The following MEG3 variants were observed in gnomAD, a reference collection of about 807,000 sequenced individuals.
The protein encoded by MEG3 is maternally expressed 3, also known as Very putative protein from MEG3 locus.
chr14:100,850,860 TGGTAGGAA>T (rs537104030), intron 3 of MEG3: 1 of 151,100 alleles, frequency 6.6e-6, no homozygotes, highest in African/African-American at 2.4e-5. Context: ...GAAGAAAGGG[TGGTAGGAA>T]GGTAGGAAGA....
At chr14:100,860,663 C>A (rs1000516838) in intron 1 of MEG3, 1 of 456,644 alleles carries the variant, frequency 2.2e-6, no homozygotes, top group East Asian at 7.0e-5. Context: ...GAGCAGGTGG[C>A]CTTCATCTGC....
Position 100,845,547 on chromosome 14 carries a change from GTGTAAAGAACACACA to G in MEG3, n.3121+18_3121+32del. 2.2e-6 allele frequency: 1 copy of G among 456,340 alleles called. No individual in the cohort carries two copies. Among genetic ancestry groups the G allele is most frequent in the Non-Finnish European group, 4.4e-6 (1 of 226,722 alleles). The allele number at this position is 456,340 out of a possible 1,614,324, so 28.3% of individuals were successfully genotyped here. A position where few individuals can be genotyped will look rare whatever the true frequency, so the allele number is the denominator to read the frequency against. On this transcript the variant is annotated intron_variant and non_coding_transcript_variant, in intron 3 of 3. Coordinates refer to the MEG3 transcript ENST00000398461. The surrounding 1 kb of genome is among the most constrained non-coding windows in gnomAD (Gnocchi z 5.2). ...CAGCTCGAAATCGTAAGTGGCTGGAGTGTAAAGAACACACATGTGGCCTTGCTGCTGAGGGTGGGG... is the reference window on the plus strand; with the variant it reads ...CAGCTCGAAATCGTAAGTGGCTGGAGTGTGGCCTTGCTGCTGAGGGTGGGG...
At chr14:100,844,455 CA>C (rs2037852796) in intron 2 of MEG3, among the ~76,000 whole-genome samples, 1 of 149,522 alleles carries the variant, frequency 6.7e-6, no homozygotes, top group South Asian at 2.1e-4. Context: ...TCATTCAACA[CA>C]TTTTTTAAAT....
chr14:100,837,762 C>T lies in MEG3; in HGVS notation n.3045+1462C>T, dbSNP rs1256670445. On this transcript the variant is annotated intron_variant and non_coding_transcript_variant, in intron 2 of 3. Transcript: ENST00000398461. This position sits in a 1 kb window ranked among gnomAD's most constrained non-coding sequence, Gnocchi z 5.8. The stretch of plus-strand genomic sequence containing the variant: ...TGGAGACAGCTCTCCTGCAGCCCTG[C>T]ACTTCTCCCCTGAAATTGAAATGGG... 6.6e-6 allele frequency among the ~76,000 whole-genome samples: 1 copy of T among 152,132 alleles called. No homozygotes were observed. The highest frequency in any genetic ancestry group is 1.5e-5 in the Non-Finnish European group (1 of 68,038).
At chr14:100,857,910 C>T (rs926502426) in exon 1 of MEG3, 1 of 152,164 alleles carries the variant, frequency 6.6e-6, no homozygotes, top group Admixed American at 6.5e-5. Flanking sequence ...CCATCCTGCG[C>T]TCTGAATTTC....
At chr14:100,860,960 T>G in exon 2 of MEG3, 1 of 321,118 alleles carries the variant, frequency 3.1e-6, no homozygotes, top group South Asian at 2.4e-5. Context: ...GTGATGCGGT[T>G]CCAAAGCACA....
At chr14:100,840,424 G>A (rs190683615) in intron 2 of MEG3, among the ~76,000 whole-genome samples, 3 of 152,212 alleles carry the variant, frequency 2.0e-5, no homozygotes, top group African/African-American at 7.2e-5. Context: ...CAGCCACCTG[G>A]GGATAATTGG....
chr14:100,848,929 A>G lies in MEG3; in HGVS notation n.3121+3396A>G, dbSNP rs1689570935. 1.3e-5 allele frequency: 2 copies of G among 152,196 alleles called. 1 individual carries two copies. The highest frequency in any genetic ancestry group is 4.1e-4 in the South Asian group (2 of 4,830). The allele number at this position is 152,196 out of a possible 1,614,324, so 9.4% of individuals were successfully genotyped here. A position where few individuals can be genotyped will look rare whatever the true frequency, so the allele number is the denominator to read the frequency against. On this transcript the variant is annotated intron_variant and non_coding_transcript_variant, in intron 3 of 3. Transcript: ENST00000398461. ...TATAATGAGACAGTTTTACCCATTA[A>G]ATATAATAAACAGTAAACGTTGAGG... is the stretch of plus-strand genomic sequence containing the variant.
At chr14:100,842,578 G>A (rs931397296) in intron 2 of MEG3, among the ~76,000 whole-genome samples, 4 of 152,206 alleles carry the variant, frequency 2.6e-5, no homozygotes, top group African/African-American at 9.7e-5. Context: ...CAACAGGTAG[G>A]AAGTACGAGA....
downstream of MEG3, chr14:100,830,388 C>G (rs1018716913): frequency 1.3e-5 from 2 of 150,296 alleles, no homozygotes; most frequent in African/African-American, 5.0e-5. Flanking sequence ...CACACACCCC[C>G]TCGTGTATCT....
chr14:100,852,788 T>C (rs575991827), upstream of MEG3: 108 of 212,858 alleles, frequency 5.1e-4, no homozygotes, highest in Middle Eastern at 3.9e-3. Context: ...ACAAGCGACG[T>C]TGGCTGCTAG....
At chr14:100,853,984 G>A (rs1031538325), upstream of MEG3, 1 of 152,232 alleles carries the variant, frequency 6.6e-6, no homozygotes, top group Non-Finnish European at 1.5e-5. Context: ...AGGAAGGAGC[G>A]AGTGAGTGAG....
chr14:100,853,881 G>A (rs1595303778), upstream of MEG3: 2 of 152,136 alleles, frequency 1.3e-5, no homozygotes, highest in African/African-American at 4.8e-5. Context: ...AGCCCCATAA[G>A]GGCAAGGAGC....
chr14:100,855,383 T>G (rs1341798935), upstream of MEG3: 1 of 152,292 alleles, frequency 6.6e-6, no homozygotes, highest in Non-Finnish European at 1.5e-5. Flanking sequence ...GTTACTGCCC[T>G]GAGCACGTCC....
chr14:100,834,514 C>G (rs2037497062), exon 1 of MEG3: 1 of 345,064 alleles, frequency 2.9e-6, no homozygotes, highest in Non-Finnish European at 5.7e-6. Context: ...TCGTTGCTCC[C>G]TTGAGTGTAG....
chr14:100,840,737 G>A (rs776588253), intron 2 of MEG3, among the ~76,000 whole-genome samples: 2 of 152,220 alleles, frequency 1.3e-5, no homozygotes, highest in South Asian at 2.1e-4. Flanking sequence ...CAGAGTGATT[G>A]AGCCTGTAAA....
intron 1 of MEG3, chr14:100,827,332 GGGGGC>G (rs1305412378): frequency 1.3e-5 from 2 of 152,094 alleles, no homozygotes; most frequent in African/African-American, 2.4e-5. Flanking sequence ...CGGAATTTTG[GGGGGC>G]GGGGTGGGGA....
At chr14:100,841,372 G>A (rs926754898) in intron 2 of MEG3, among the ~76,000 whole-genome samples, 1 of 152,244 alleles carries the variant, frequency 6.6e-6, no homozygotes, top group African/African-American at 2.4e-5. Flanking sequence ...TCCCGTCTAC[G>A]AAATGGGCGA....
At chr14:100,840,680 C>G (rs1013815539) in intron 2 of MEG3, among the ~76,000 whole-genome samples, 1 of 152,164 alleles carries the variant, frequency 6.6e-6, no homozygotes, top group South Asian at 2.1e-4. Flanking sequence ...TGCTCACGCT[C>G]TTAGATTCTA....
Sources: allele counts gnomAD v4.1 joint callset (sites outside exome capture counted in the v4.1 genomes callset), GRCh38; gene constraint gnomAD v4.1.1; non-coding constraint Gnocchi (gnomAD v3.1); transcripts MANE v1.5; gene names NCBI Gene and HGNC (gene_info 2026-07-23, HGNC 2026-07-21).